KATNBL1: variants seen among roughly 807,000 people sequenced by gnomAD.
The protein encoded by KATNBL1 is KATNB1-like protein 1.
A neutral mutation model predicts 44.7 loss-of-function variants in KATNBL1; 28 were observed. The ratio of observed to expected loss-of-function variants is 0.63; its 90% confidence interval spans 0.46 to 0.86. The LOEUF (loss-of-function observed/expected upper bound fraction) is 0.86. Among genes scored for constraint, KATNBL1 ranks in the 40% least tolerant of loss-of-function variants. The pLI is 0.00. For missense variants in KATNBL1, 272 were observed against 350.7 expected, an observed-to-expected ratio of 0.78 and a Z score of 1.79; for synonymous variants, 78 against 114.9, an observed-to-expected ratio of 0.68 and a Z score of 2.06.
intron 1 of KATNBL1, chr15:34,208,636 T>C (rs956674132): frequency 2.0e-5 from 3 of 152,230 alleles, no homozygotes; most frequent in Non-Finnish European, 2.9e-5. Context: ...ACATAAATTA[T>C]AACACACATA....
rs748569078 is a variant in KATNBL1, at chr15:34,148,706, C to T, written c.483G>A (p.Arg161=). 1 of 1,612,928 alleles carries T rather than the reference C, an allele frequency of 6.2e-7. No individual in the cohort carries two copies. The highest frequency in any genetic ancestry group is 1.1e-5 in the South Asian group (1 of 91,032). The change falls in exon 5 of 10, where the codon AGG becomes AGA. Residue 161 remains arginine, a synonymous_variant. Coordinates refer to ENST00000256544, the MANE Select transcript of KATNBL1 (RefSeq NM_024713.3). ...HETMAQVLFS[R]NMRLNVALTF... is the part of the protein sequence containing the mutation. ...TTAAAGCTACATTCAATCTCATATT[C>T]CTGCTGAACAAAACTTGGGCCATTG...
intron 1 of KATNBL1, among the ~76,000 whole-genome samples, chr15:34,207,577 T>C (rs938237183): frequency 1.3e-4 from 19 of 151,896 alleles, no homozygotes; most frequent in Non-Finnish European, 2.8e-4. Flanking sequence ...GGGCTCAAGC[T>C]TTCCTCCTAC....
chr15:34,189,521 G>A (rs1344210830), intron 1 of KATNBL1, among the ~76,000 whole-genome samples: 7 of 152,098 alleles, frequency 4.6e-5, no homozygotes, highest in Non-Finnish European at 8.8e-5. Flanking sequence ...TTTTGCTTTC[G>A]GAAAGTTTGT....
At chr15:34,168,002 C>T (rs1245950620) in intron 1 of KATNBL1, among the ~76,000 whole-genome samples, 2 of 152,100 alleles carry the variant, frequency 1.3e-5, no homozygotes, top group African/African-American at 2.4e-5. Context: ...TTGTAAAGAC[C>T]ATCGATGCTA....
intron 2 of KATNBL1, among the ~76,000 whole-genome samples, chr15:34,156,243 G>A (rs1888634072): frequency 6.6e-6 from 1 of 152,212 alleles, no homozygotes; most frequent in Non-Finnish European, 1.5e-5. Flanking sequence ...TCAGTGTCGG[G>A]AGACAGAAGC....
intron 1 of KATNBL1, among the ~76,000 whole-genome samples, chr15:34,208,355 C>T (rs1317473183): frequency 6.6e-6 from 1 of 152,158 alleles, no homozygotes; most frequent in Non-Finnish European, 1.5e-5. Context: ...TACAGGCAAT[C>T]GAAAGCTTTG....
At position 34,163,045 on chromosome 15, in the gene KATNBL1, C is replaced by CTTT. The variant is rs35514072; in HGVS notation, c.117+512_117+514dup. Among the ~76,000 whole-genome samples the CTTT allele has an allele frequency of 3.9e-4, 55 of 142,582 alleles. 1 individual carries two copies. The East Asian group carries it at 3.9e-3, about 10-fold the overall frequency. 93.5% of individuals were successfully genotyped at this position (142,582 alleles called of 152,430 possible). ...ATTGAAACAGCATACTGACTAAAAA[C>CTTT]TTTTTTTTTTTTTTTGATATGGAGT... On this transcript the variant is annotated intron_variant, in intron 2 of 9. Coordinates refer to ENST00000256544, the MANE Select transcript of KATNBL1 (RefSeq NM_024713.3).
chr15:34,152,172 C>A (rs1161256314), intron 4 of KATNBL1, among the ~76,000 whole-genome samples: 1 of 151,246 alleles, frequency 6.6e-6, no homozygotes, highest in Non-Finnish European at 1.5e-5. Flanking sequence ...GAACTCCCGA[C>A]CTCAGGTGAT....
At chr15:34,174,121 A>C (rs964071633) in intron 1 of KATNBL1, among the ~76,000 whole-genome samples, 2 of 152,198 alleles carry the variant, frequency 1.3e-5, no homozygotes, top group Non-Finnish European at 2.9e-5. Context: ...AAAAATTATA[A>C]CACTATCTGA....
intron 1 of KATNBL1, among the ~76,000 whole-genome samples, chr15:34,194,252 T>C (rs1889971942): frequency 6.6e-6 from 1 of 152,178 alleles, no homozygotes; most frequent in African/African-American, 2.4e-5. Flanking sequence ...CAGTTTAGTT[T>C]TATATGCTGC....
At chr15:34,158,390 TG>T (rs1418852535) in intron 2 of KATNBL1, among the ~76,000 whole-genome samples, 3 of 152,180 alleles carry the variant, frequency 2.0e-5, no homozygotes, top group Admixed American at 6.5e-5. Flanking sequence ...GAACTGCAGT[TG>T]GGGGAAGAAG....
chr15:34,203,319 T>C (rs1890216462), intron 1 of KATNBL1, among the ~76,000 whole-genome samples: 1 of 152,192 alleles, frequency 6.6e-6, no homozygotes, highest in Non-Finnish European at 1.5e-5. Flanking sequence ...TGTCCGTTTC[T>C]TTCCATTTCC....
At chr15:34,148,116 G>A (rs991740823) in intron 5 of KATNBL1, among the ~76,000 whole-genome samples, 1 of 152,126 alleles carries the variant, frequency 6.6e-6, no homozygotes, top group Non-Finnish European at 1.5e-5. Context: ...CTTCCCAAAT[G>A]CTGGGATTAT....
chr15:34,146,575 C>G lies in KATNBL1; in HGVS notation c.788+186G>C, dbSNP rs1399781355. 4.6e-5 allele frequency: 25 copies of G among 538,420 alleles called. No homozygotes were observed. The East Asian group carries it at 7.8e-4, about 17-fold the overall frequency. The allele number at this position is 538,420 out of a possible 1,614,324, so 33.4% of individuals were successfully genotyped here. The stretch of plus-strand genomic sequence containing the variant: ...AGAAGAGATACAGGAGGTTAGTAGG[C>G]TCTGGAATTCAATTTCCAGGTGTGG... On this transcript the variant is annotated intron_variant, in intron 8 of 9. Coordinates refer to ENST00000256544, the MANE Select transcript of KATNBL1 (RefSeq NM_024713.3).
chr15:34,151,325 C>T (rs1178852396), intron 4 of KATNBL1, among the ~76,000 whole-genome samples: 1 of 150,512 alleles, frequency 6.6e-6, no homozygotes, highest in Non-Finnish European at 1.5e-5. Flanking sequence ...ATTTGCATTT[C>T]TCTAATGATG....
intron 1 of KATNBL1, among the ~76,000 whole-genome samples, chr15:34,188,800 C>CA (rs1889795561): frequency 1.3e-5 from 2 of 152,176 alleles, no homozygotes; most frequent in Non-Finnish European, 2.9e-5. Flanking sequence ...GGCCTGCATT[C>CA]AAGAGTCCTT....
At position 34,188,137 on chromosome 15, in the gene KATNBL1, T is replaced by TAAAAA. The variant is rs1201268078; in HGVS notation, c.-15+21809_-15+21813dup. Among the ~76,000 whole-genome samples, 33 of 22,098 alleles carry TAAAAA rather than the reference T, an allele frequency of 1.5e-3. 3 individuals are homozygous for TAAAAA. Among genetic ancestry groups the TAAAAA allele is most frequent in the South Asian group, 6.9e-3 (2 of 290 alleles). The allele number at this position is 22,098 out of a possible 152,430, so 14.5% of individuals were successfully genotyped here. A position where few individuals can be genotyped will look rare whatever the true frequency, so the allele number is the denominator to read the frequency against. ...CTGGGTGACAGAGGAAGACGCCATG[T>TAAAAA]AAAAAAAAAAAAAAAAAAAAAAAAA... On this transcript the variant is annotated intron_variant, in intron 1 of 9. Coordinates refer to ENST00000256544, the MANE Select transcript of KATNBL1 (RefSeq NM_024713.3).
At position 34,152,939 on chromosome 15, in the gene KATNBL1, T is replaced by C. The variant is rs752723565; in HGVS notation, c.289A>G (p.Met97Val). The C allele has an allele frequency of 1.3e-5, 21 of 1,614,026 alleles. No homozygotes were observed. The highest frequency in any genetic ancestry group is 1.7e-5 in the Non-Finnish European group (20 of 1,179,990). Residue 97 changes from methionine (M) to valine (V), a missense_variant, in exon 4 of 10, where the codon ATG (methionine) becomes GTG (valine). Physicochemically the swap from Met to Val is conservative, Grantham distance 21 (BLOSUM62 1). Around this residue, in one of 3 missense-constraint regions of KATNBL1, gnomAD observed 122 missense variants for 125.0 expected, o/e 0.98. Coordinates refer to ENST00000256544, the MANE Select transcript of KATNBL1 (RefSeq NM_024713.3). Reference protein sequence around the residue: ...KQSPGSGGCDMANKENELACA... With the variant: ...KQSPGSGGCDVANKENELACA... ...GCCAGTTCATTTTCTTTATTTGCCA[T>C]GTCACAGCCCCCACTTCCAGGGGAC... is the stretch of plus-strand genomic sequence containing the variant.
chr15:34,193,767 G>A (rs1889953531), intron 1 of KATNBL1, among the ~76,000 whole-genome samples: 2 of 144,398 alleles, frequency 1.4e-5, no homozygotes, highest in Non-Finnish European at 3.0e-5. Flanking sequence ...CAGGAGGGTC[G>A]CTTGAGCCCA....
Sources: allele counts gnomAD v4.1 joint callset (sites outside exome capture counted in the v4.1 genomes callset), GRCh38; gene constraint gnomAD v4.1.1; regional missense constraint gnomAD v4.1.1; transcripts MANE v1.5; gene names NCBI Gene and HGNC (gene_info 2026-07-23, HGNC 2026-07-21).